The following MSANTD5 variants were observed in gnomAD, a reference collection of about 807,000 sequenced individuals.
The protein encoded by MSANTD5 is uncharacterized protein MSANTD5.
the MSANTD5 span, chr5:178,707,263 AAC>A: frequency 6.6e-6 from 1 of 152,164 alleles, no homozygotes; most frequent in African/African-American, 2.4e-5. Flanking sequence ...GCTCAGTTTA[AAC>A]AGTTTAAATG....
At chr5:178,694,279 G>C (rs2113851536), downstream of MSANTD5, among the ~76,000 whole-genome samples, 1 of 133,892 alleles carries the variant, frequency 7.5e-6, no homozygotes, top group South Asian at 2.3e-4. Context: ...TCATGCCACT[G>C]CACTCCAGCC....
At chr5:178,706,950 C>T in the MSANTD5 span, 1 of 152,184 alleles carries the variant, frequency 6.6e-6, no homozygotes, top group Non-Finnish European at 1.5e-5. Context: ...TGTTAGTTTT[C>T]CGACCAGTTT....
At chr5:178,703,323 C>T in the MSANTD5 span, among the ~76,000 whole-genome samples, 3 of 152,200 alleles carry the variant, frequency 2.0e-5, no homozygotes, top group African/African-American at 7.2e-5. Flanking sequence ...GCTTGGCTTG[C>T]ATGAGTCACT....
At chr5:178,699,506 G>A (rs539820029), upstream of MSANTD5, among the ~76,000 whole-genome samples, 1 of 150,786 alleles carries the variant, frequency 6.6e-6, no homozygotes, top group Admixed American at 6.6e-5. Context: ...CTGCCTCCTG[G>A]CTTCAAGCAA....
At chr5:178,700,658 A>G (rs1398922415), upstream of MSANTD5, among the ~76,000 whole-genome samples, 1 of 150,494 alleles carries the variant, frequency 6.6e-6, no homozygotes, top group Non-Finnish European at 1.5e-5. Flanking sequence ...TTCCAGTGTG[A>G]CCATCCAGGT....
upstream of MSANTD5, among the ~76,000 whole-genome samples, chr5:178,698,749 C>CTTTTTTT (rs70997624): frequency 2.9e-4 from 29 of 98,790 alleles, no homozygotes; most frequent in African/African-American, 4.0e-4. Context: ...CATGCTTGGC[C>CTTTTTTT]TTTTTTTTTT....
the MSANTD5 span, among the ~76,000 whole-genome samples, chr5:178,703,334 C>T: frequency 6.6e-6 from 1 of 152,196 alleles, no homozygotes; most frequent in South Asian, 2.1e-4. Context: ...ATGAGTCACT[C>T]CCTTCATAAG....
upstream of MSANTD5, chr5:178,697,717 C>G (rs1302599607): frequency 6.6e-6 from 1 of 152,168 alleles, no homozygotes; most frequent in Non-Finnish European, 1.5e-5. Context: ...AGGAGGAACC[C>G]GAGTGTGGAA....
At chr5:178,704,299 G>T in the MSANTD5 span, among the ~76,000 whole-genome samples, 1 of 152,142 alleles carries the variant, frequency 6.6e-6, no homozygotes, top group African/African-American at 2.4e-5. Flanking sequence ...TGGTGTGAGG[G>T]GATGAGGCCC....
chr5:178,692,912 G>T (rs1369967011), downstream of MSANTD5, among the ~76,000 whole-genome samples: 1 of 151,866 alleles, frequency 6.6e-6, no homozygotes. Flanking sequence ...TACAGCTGGG[G>T]GGACCCGGAC....
upstream of MSANTD5, among the ~76,000 whole-genome samples, chr5:178,698,319 A>G (rs1581734124): frequency 6.6e-6 from 1 of 152,292 alleles, no homozygotes; most frequent in East Asian, 1.9e-4. Context: ...GGTGGTTAAT[A>G]GTTTGGGCAA....
exon 4 of MSANTD5, chr5:178,694,876 C>G (rs1331819109): frequency 1.3e-5 from 2 of 152,158 alleles, no homozygotes; most frequent in Non-Finnish European, 2.9e-5. Context: ...TCCTGAAAGA[C>G]TATGGGAACG....
At chr5:178,698,244 G>A (rs532912708), upstream of MSANTD5, among the ~76,000 whole-genome samples, 4 of 152,276 alleles carry the variant, frequency 2.6e-5, no homozygotes, top group East Asian at 3.9e-4. Flanking sequence ...CAGAGCTTTC[G>A]CTTTACAAGA....
upstream of MSANTD5, among the ~76,000 whole-genome samples, chr5:178,698,771 T>A (rs1269942470): frequency 5.2e-5 from 4 of 77,370 alleles, no homozygotes; most frequent in African/African-American, 7.6e-5. Context: ...TTTTTTTTTT[T>A]GTAGAGACAG....
intron 1 of MSANTD5, among the ~76,000 whole-genome samples, chr5:178,696,548 C>T (rs1263166216): frequency 1.3e-5 from 2 of 152,048 alleles, no homozygotes; most frequent in African/African-American, 4.8e-5. Flanking sequence ...AAAAAGTAAA[C>T]TGCCAGATGA....
At chr5:178,692,679 C>G (rs1765369118), downstream of MSANTD5, among the ~76,000 whole-genome samples, 1 of 152,032 alleles carries the variant, frequency 6.6e-6, no homozygotes, top group African/African-American at 2.4e-5. Context: ...AAGCTATTCC[C>G]AAAAGGCTAC....
chr5:178,699,272 C>T (rs1365575582), upstream of MSANTD5, among the ~76,000 whole-genome samples: 1 of 152,206 alleles, frequency 6.6e-6, no homozygotes, highest in Non-Finnish European at 1.5e-5. Context: ...CCAGCATCAC[C>T]TCCCATTCAA....
intron 1 of MSANTD5, among the ~76,000 whole-genome samples, chr5:178,697,315 G>C (rs911103627): frequency 6.6e-6 from 1 of 151,524 alleles, no homozygotes; most frequent in Non-Finnish European, 1.5e-5. Context: ...TTAGCCGGGC[G>C]TGGTGGCGGG....
intron 1 of MSANTD5, among the ~76,000 whole-genome samples, chr5:178,697,358 G>A (rs897890077): frequency 2.6e-5 from 4 of 152,062 alleles, no homozygotes; most frequent in South Asian, 2.1e-4. Flanking sequence ...GGAGGCTGAG[G>A]CAGGAGAATG....
Sources: gnomAD v4.1 joint callset for allele counts (sites outside exome capture counted in the v4.1 genomes callset) on GRCh38, gnomAD v4.1.1 for gene constraint, MANE v1.5 for transcripts, NCBI Gene and HGNC (gene_info 2026-07-23, HGNC 2026-07-21) for gene names.